COL24A1: variants seen among roughly 807,000 people sequenced by gnomAD.
COL24A1 encodes the protein collagen alpha-1(XXIV) chain.
A neutral mutation model predicts 253.9 loss-of-function variants in COL24A1; 224 were observed. The ratio of observed to expected loss-of-function variants is 0.88; its 90% CI spans 0.79 to 0.99. COL24A1 has a LOEUF of 0.99. Ranked by LOEUF, COL24A1 falls within the 50% of genes least tolerant of loss-of-function variation. COL24A1 has a pLI of 0.00. For missense variants in COL24A1, 2,131 were observed against 2,068.5 expected (o/e 1.03, Z -0.59); for synonymous variants, 685 against 673.7 (o/e 1.02, Z -0.26).
At chr1:86,023,387 A>C (rs182506561) in intron 14 of COL24A1, among the ~76,000 whole-genome samples, 9 of 152,240 alleles carry the variant, frequency 5.9e-5, no homozygotes, top group African/African-American at 2.2e-4. Context: ...ATTGTCTTAG[A>C]GTTTTATTTC....
At chr1:85,948,290 C>T (rs1001138704) in intron 24 of COL24A1, among the ~76,000 whole-genome samples, 7 of 151,650 alleles carry the variant, frequency 4.6e-5, no homozygotes, top group Admixed American at 1.3e-4. Context: ...TTTGGGAGGC[C>T]GAGGCGGGCG....
At chr1:85,823,902 GATATTA>G (rs1673926137) in intron 43 of COL24A1, among the ~76,000 whole-genome samples, 164 bp from the exon 44 acceptor site, 1 of 152,020 alleles carries the variant, frequency 6.6e-6, no homozygotes, top group African/African-American at 2.4e-5. Flanking sequence ...ATAGCTGTTG[GATATTA>G]TGGTAGCTGA....
At chr1:85,782,978 A>G (rs1380657884) in intron 51 of COL24A1, among the ~76,000 whole-genome samples, 1 of 152,256 alleles carries the variant, frequency 6.6e-6, no homozygotes, top group Non-Finnish European at 1.5e-5. Context: ...ATTTGCAATT[A>G]CAAGCACTCA....
chr1:86,006,113 C>A (rs1695931677), intron 19 of COL24A1, among the ~76,000 whole-genome samples: 2 of 152,160 alleles, frequency 1.3e-5, no homozygotes, highest in South Asian at 4.2e-4. Context: ...AGATTCAATG[C>A]AATACCAAAC....
At chr1:85,862,344 G>A (rs1349528067) in intron 37 of COL24A1, among the ~76,000 whole-genome samples, 3 of 152,138 alleles carry the variant, frequency 2.0e-5, no homozygotes, top group Non-Finnish European at 2.9e-5. Flanking sequence ...ATCACAGTCT[G>A]TAAGGCTGAA....
chr1:86,095,980 T>C (rs1282261158), intron 5 of COL24A1, among the ~76,000 whole-genome samples: 1 of 152,072 alleles, frequency 6.6e-6, no homozygotes, highest in Non-Finnish European at 1.5e-5. Context: ...AACAGATTTA[T>C]CTTAGATTAG....
chr1:85,872,122 G>C (rs558362493), intron 35 of COL24A1, among the ~76,000 whole-genome samples: 1 of 152,072 alleles, frequency 6.6e-6, no homozygotes, highest in African/African-American at 2.4e-5. Context: ...AAATACCTAG[G>C]AATCCAGCTT....
chr1:85,906,095 TAACCCAGGAAGG>T (rs1222349033), intron 28 of COL24A1, among the ~76,000 whole-genome samples: 2 of 151,802 alleles, frequency 1.3e-5, no homozygotes, highest in Non-Finnish European at 2.9e-5. Context: ...TATAAATCTG[TAACCCAGGAAGG>T]AAAATAGTTT....
chr1:85,754,550 T>TAAAAAAAAAAAAAAAAAAAA (rs34069021), intron 55 of COL24A1, among the ~76,000 whole-genome samples: 2 of 111,000 alleles, frequency 1.8e-5, no homozygotes, highest in African/African-American at 7.0e-5. Context: ...AAAAAAAAAT[T>TAAAAAAAAAAAAAAAAAAAA]AAAAAAAAAA....
intron 14 of COL24A1, among the ~76,000 whole-genome samples, chr1:86,031,591 G>A (rs1227805748): frequency 6.6e-6 from 1 of 151,894 alleles, no homozygotes; most frequent in Admixed American, 6.6e-5. Flanking sequence ...ATGCTTTTGA[G>A]GAAACTTTGT....
intron 28 of COL24A1, among the ~76,000 whole-genome samples, chr1:85,900,498 G>C (rs1231075117): frequency 1.3e-5 from 2 of 152,042 alleles, no homozygotes; most frequent in Non-Finnish European, 2.9e-5. Flanking sequence ...AATTAGCCAG[G>C]CATGGTGGAA....
chr1:86,054,360 C>T (rs1031026177), intron 10 of COL24A1, among the ~76,000 whole-genome samples: 1 of 152,066 alleles, frequency 6.6e-6, no homozygotes, highest in African/African-American at 2.4e-5. Context: ...AAATAGACAA[C>T]TTACAGAACA....
At chr1:85,874,393 AT>A (rs979508698) in intron 35 of COL24A1, among the ~76,000 whole-genome samples, 40 of 152,282 alleles carry the variant, frequency 2.6e-4, no homozygotes, top group African/African-American at 8.7e-4. Context: ...GTGACTCCAC[AT>A]TTTTGGTAAG....
In COL24A1 at chr1:85,908,651, C is replaced by A. The variant is rs927931015; in HGVS notation, c.2671G>T (p.Gly891Ter). Residue 891 changes from glycine (G) to a stop codon, truncating the protein, a stop_gained and splice_region_variant, in exon 27 of 60, where the codon GGA (glycine) becomes TGA (stop). Coordinates refer to ENST00000370571, the MANE Select transcript of COL24A1 (RefSeq NM_152890.7). LOFTEE classifies it high-confidence loss of function. The stretch of plus-strand genomic sequence containing the variant: ...GGAACCCCAGGAGGACCTGGATATC[C>A]CTATAATTTAAGGAAAATATAAAAG... Reference protein sequence around the residue: ...LGPQGEKGVMGYPGPPGVPGP... With the variant: ...LGPQGEKGVM 1.4e-6 allele frequency: 2 copies of A among 1,384,960 alleles called. No individual in the cohort carries two copies. The highest frequency in any genetic ancestry group is 1.5e-5 in the African/African-American group (1 of 67,108). The allele number at this position is 1,384,960 out of a possible 1,614,324, so 85.8% of individuals were successfully genotyped here. A position where few individuals can be genotyped will look rare whatever the true frequency, so the allele number is the denominator to read the frequency against.
intron 24 of COL24A1, among the ~76,000 whole-genome samples, chr1:85,945,258 C>G (rs1689221908): frequency 6.6e-6 from 1 of 151,216 alleles, no homozygotes; most frequent in South Asian, 2.1e-4. Flanking sequence ...ACCTCATGAT[C>G]CGCCCACCTC....
At chr1:86,059,675 T>C (rs1700934220) in intron 8 of COL24A1, among the ~76,000 whole-genome samples, 1 of 152,178 alleles carries the variant, frequency 6.6e-6, no homozygotes, top group South Asian at 2.1e-4. Flanking sequence ...CAAATACCGT[T>C]ATCATGACAT....
chr1:86,072,711 C>A (rs1428155450), intron 7 of COL24A1, among the ~76,000 whole-genome samples: 2 of 152,216 alleles, frequency 1.3e-5, no homozygotes, highest in Non-Finnish European at 1.5e-5. Flanking sequence ...CAGCAGGGGT[C>A]GACAGACACC....
intron 19 of COL24A1, among the ~76,000 whole-genome samples, chr1:86,003,553 C>G (rs376512696): frequency 3.3e-5 from 5 of 152,190 alleles, no homozygotes; most frequent in African/African-American, 1.2e-4. Context: ...GTTGGGTCAG[C>G]TTGGTAGGCA....
intron 7 of COL24A1, among the ~76,000 whole-genome samples, chr1:86,083,372 A>G (rs1300750236): frequency 6.6e-6 from 1 of 151,544 alleles, no homozygotes; most frequent in Non-Finnish European, 1.5e-5. Context: ...TAGTTGATAT[A>G]TATATATATC....
Sources: gnomAD v4.1 joint callset for allele counts (sites outside exome capture counted in the v4.1 genomes callset) on GRCh38, gnomAD v4.1.1 for gene constraint, MANE v1.5 for transcripts, NCBI Gene and HGNC (gene_info 2026-07-23, HGNC 2026-07-21) for gene names.